The following TTLL7 variants were observed in gnomAD, a reference collection of about 807,000 sequenced individuals.
The protein encoded by TTLL7 is tubulin polyglutamylase TTLL7.
TTLL7 carries 53 observed loss-of-function variants against 120.2 expected under a neutral mutation model. The observed-to-expected ratio is 0.44, with a 90% CI of 0.35 to 0.55. TTLL7 has a LOEUF of 0.55. TTLL7 is among the 20% of genes least tolerant of loss of function. The probability of loss-of-function intolerance (pLI) is 0.00; values close to 1 mark genes in which losing one functional copy is unlikely to be tolerated. For missense variants in TTLL7, 803 were observed against 1,054.7 expected, an observed-to-expected ratio of 0.76 and a Z score of 3.31; for synonymous variants, 353 against 351.7, an observed-to-expected ratio of 1.00 and a Z score of -0.04.
chr1:83,917,162 C>A (rs901485372), intron 14 of TTLL7, among the ~76,000 whole-genome samples: 4 of 149,712 alleles, frequency 2.7e-5, no homozygotes, highest in Admixed American at 6.7e-5. Context: ...CTACTTATTT[C>A]TAGGAATTAC....
chr1:83,934,331 C>T (rs995280798), intron 8 of TTLL7, among the ~76,000 whole-genome samples: 1 of 152,080 alleles, frequency 6.6e-6, no homozygotes, highest in South Asian at 2.1e-4. Flanking sequence ...TAGGAGCATA[C>T]GCTAGCCCCA....
At chr1:83,905,128 T>C (rs969418666) in intron 17 of TTLL7, among the ~76,000 whole-genome samples, 1 of 151,956 alleles carries the variant, frequency 6.6e-6, no homozygotes, top group Non-Finnish European at 1.5e-5. Flanking sequence ...TGGCTATATA[T>C]AGAAAATTTT....
intron 10 of TTLL7, among the ~76,000 whole-genome samples, chr1:83,922,044 C>T (rs1658714222): frequency 1.3e-5 from 2 of 152,014 alleles, no homozygotes; most frequent in Admixed American, 1.3e-4. Flanking sequence ...CTCTCTCTTC[C>T]CTGCCACGTA....
At position 83,917,640 on chromosome 1, in the gene TTLL7, C is replaced by G; in HGVS notation, c.1551G>C (p.Lys517Asn). Residue 517 changes from lysine to asparagine, a missense_variant, in exon 14 of 21, where the codon AAG (lysine) becomes AAC (asparagine). Physicochemically the swap from Lys to Asn is moderately conservative, Grantham distance 94. Transcript: ENST00000260505. ...GAGTCTTGGTAGTTTTTCCCATCAA[C>G]TTTTCATCATCAATTTCACATTGCT... The part of the protein sequence containing the change: ...LLEQCEIDDE[K>N]LMGKTTKTRG... 1.1e-5 allele frequency: 18 copies of G among 1,613,512 alleles called. No individual in the cohort carries two copies. Among genetic ancestry groups the G allele is most frequent in the Non-Finnish European group, 1.5e-5 (18 of 1,179,598 alleles).
chr1:83,915,283 C>G (rs1300993564), intron 14 of TTLL7, among the ~76,000 whole-genome samples: 1 of 151,928 alleles, frequency 6.6e-6, no homozygotes, highest in Non-Finnish European at 1.5e-5. Flanking sequence ...GGTACTGGTA[C>G]CAAAACAGAG....
At chr1:83,915,501 T>A (rs1264428619) in intron 14 of TTLL7, among the ~76,000 whole-genome samples, 1 of 152,146 alleles carries the variant, frequency 6.6e-6, no homozygotes, top group African/African-American at 2.4e-5. Context: ...TCAAGATGGA[T>A]TAAAGATTTA....
intron 1 of TTLL7, among the ~76,000 whole-genome samples, chr1:83,958,745 A>G (rs1011230511): frequency 3.5e-4 from 53 of 152,296 alleles, no homozygotes; most frequent in African/African-American, 1.2e-3. Context: ...TAAAATGCTT[A>G]TTTGTTTTGA....
At chr1:83,955,967 C>G (rs532831436) in intron 1 of TTLL7, among the ~76,000 whole-genome samples, 6 of 152,272 alleles carry the variant, frequency 3.9e-5, no homozygotes, top group African/African-American at 7.2e-5. Context: ...TGCCACTGCA[C>G]TACAGCCTGG....
At chr1:83,932,813 G>C (rs1291324723) in intron 9 of TTLL7, among the ~76,000 whole-genome samples, 1 of 152,126 alleles carries the variant, frequency 6.6e-6, no homozygotes, top group South Asian at 2.1e-4. Flanking sequence ...TCCAAAACAT[G>C]ATATTTAAGC....
At chr1:83,912,976 C>T (rs781209122) in intron 14 of TTLL7, 2 of 152,150 alleles carry the variant, frequency 1.3e-5, no homozygotes, top group African/African-American at 2.4e-5. Flanking sequence ...GTAGTGCCTT[C>T]CTTCATGTAG....
intron 15 of TTLL7, among the ~76,000 whole-genome samples, chr1:83,907,905 C>G (rs1657342348): frequency 6.6e-6 from 1 of 152,044 alleles, no homozygotes. Context: ...TATCAACAAT[C>G]CTTCAATGTT....
intron 8 of TTLL7, 83 bp downstream of exon 8, chr1:83,937,769 C>A: frequency 6.6e-7 from 1 of 1,516,672 alleles, no homozygotes; most frequent in Non-Finnish European, 9.1e-7. Context: ...TCAATCAACT[C>A]TTAATGAACT....
In TTLL7 at chr1:83,868,968, T is replaced by C. The variant is rs1034546698; in HGVS notation, c.*994A>G. 1.3e-5 allele frequency: 2 copies of C among 149,878 alleles called. No homozygotes were observed. Among genetic ancestry groups the C allele is most frequent in the South Asian group, 4.2e-4 (2 of 4,800 alleles). The allele number at this position is 149,878 out of a possible 1,614,324, so 9.3% of individuals were successfully genotyped here. The stretch of plus-strand genomic sequence containing the variant: ...CTTCTTTTTATTTATTTATTTATTT[T>C]ATTTTATTATTATTTTTTTTTTTTG... On this transcript the variant is annotated 3_prime_UTR_variant, in exon 21 of 21. Coordinates refer to ENST00000260505, the MANE Select transcript of TTLL7 (RefSeq NM_024686.6).
At chr1:83,921,687 A>G (rs1658686541) in intron 10 of TTLL7, among the ~76,000 whole-genome samples, 1 of 152,014 alleles carries the variant, frequency 6.6e-6, no homozygotes, top group Admixed American at 6.6e-5. Flanking sequence ...CCACTATACA[A>G]TCTTGGGCTG....
chr1:83,970,387 C>T (rs1368750557), intron 1 of TTLL7, among the ~76,000 whole-genome samples: 1 of 151,994 alleles, frequency 6.6e-6, no homozygotes, highest in Non-Finnish European at 1.5e-5. Flanking sequence ...TATTCACACC[C>T]AAATGAGAGA....
At chr1:83,886,829 A>G (rs1655013447) in intron 19 of TTLL7, among the ~76,000 whole-genome samples, 1 of 151,958 alleles carries the variant, frequency 6.6e-6, no homozygotes, top group South Asian at 2.1e-4. Context: ...CACTTCCCAT[A>G]GCCACCATTC....
chr1:83,884,692 G>T (rs939777017), intron 19 of TTLL7, among the ~76,000 whole-genome samples: 3 of 136,996 alleles, frequency 2.2e-5, no homozygotes, highest in African/African-American at 8.3e-5. Flanking sequence ...ATGGACACAG[G>T]AAGGGGAACA....
rs144091169 is a variant in TTLL7 at position 83,930,781 on chromosome 1, T to C, written c.1048-1551A>G. ...TCCATTCCAAATTTCAGTGTGGAAT[T>C]GTGCCAGGCATATCCCTCCTCCAGG... On this transcript the variant is annotated intron_variant, in intron 9 of 20. Transcript: ENST00000260505. Among the ~76,000 whole-genome samples, 23 of 152,232 alleles carry C rather than the reference T, an allele frequency of 1.5e-4. No individual in the cohort carries two copies. In the East Asian group the frequency reaches 4.4e-3, roughly 29 times the overall value.
chr1:83,874,230 AT>A (rs1408542796), intron 20 of TTLL7, among the ~76,000 whole-genome samples: 1 of 151,964 alleles, frequency 6.6e-6, no homozygotes, highest in Non-Finnish European at 1.5e-5. Context: ...GAATCACAAG[AT>A]TTGTCCATTT....
Sources: gnomAD v4.1 joint callset for allele counts (sites outside exome capture counted in the v4.1 genomes callset) on GRCh38, gnomAD v4.1.1 for gene constraint, MANE v1.5 for transcripts, NCBI Gene and HGNC (gene_info 2026-07-23, HGNC 2026-07-21) for gene names.